The following MAPKAP1 variants were observed in gnomAD, a reference collection of about 807,000 sequenced individuals.
The protein encoded by MAPKAP1 is target of rapamycin complex 2 subunit MAPKAP1.
In MAPKAP1, 20 loss-of-function variants were observed where a neutral mutation model predicts 65.7. The ratio of observed to expected loss-of-function variants is 0.30; its 90% CI spans 0.21 to 0.44. MAPKAP1 has a LOEUF of 0.44. Ranked by LOEUF, MAPKAP1 falls within the 20% of genes least tolerant of loss-of-function variation. The pLI is 1.00. For missense variants in MAPKAP1, 423 were observed against 648.0 expected (o/e 0.65, Z 3.77); for synonymous variants, 222 against 244.3 (o/e 0.91, Z 0.85).
At chr9:125,672,212 C>T in intron 2 of MAPKAP1, 104 bp downstream of exon 2, 2 of 1,294,304 alleles carry the variant, frequency 1.5e-6, no homozygotes, top group South Asian at 1.4e-5. Flanking sequence ...CCTATTAATA[C>T]CCGGAAACAT....
chr9:125,677,034 G>A (rs562885015), intron 1 of MAPKAP1, among the ~76,000 whole-genome samples: 89 of 152,214 alleles, frequency 5.8e-4, no homozygotes, highest in Admixed American at 1.4e-3. Context: ...GTATAACAGC[G>A]TTTCACAGAA....
intron 4 of MAPKAP1, among the ~76,000 whole-genome samples, chr9:125,630,903 C>G (rs550536168): frequency 2.0e-5 from 3 of 152,026 alleles, no homozygotes; most frequent in African/African-American, 7.2e-5. Context: ...GCCTGGGCAA[C>G]AAACAAAGGG....
intron 4 of MAPKAP1, among the ~76,000 whole-genome samples, chr9:125,622,099 G>A (rs1280695063): frequency 6.6e-6 from 1 of 152,206 alleles, no homozygotes; most frequent in South Asian, 2.1e-4. Flanking sequence ...GCTCATGGAA[G>A]TGGAGAGTAG....
Position 125,585,811 on chromosome 9 carries a change from G to C in MAPKAP1, c.499-84C>G, listed in dbSNP as rs1444192396. ...GCTCTCCAGGCCTGTGGGCAGCACA[G>C]CCATTTTTCATCCTTGCTCTACAGA... is the stretch of plus-strand genomic sequence containing the variant. On this transcript the variant is annotated intron_variant, in intron 4 of 11. Coordinates refer to ENST00000265960, the MANE Select transcript of MAPKAP1 (RefSeq NM_001006617.3). 3 of 1,344,912 alleles carry C rather than the reference G, an allele frequency of 2.2e-6. No individual in the cohort carries two copies. In the African/African-American group the frequency reaches 4.3e-5, roughly 19 times the overall value. 83.3% of individuals were successfully genotyped at this position (1,344,912 alleles called of 1,614,324 possible).
intron 1 of MAPKAP1, among the ~76,000 whole-genome samples, chr9:125,693,049 C>T (rs1182792852): frequency 6.6e-6 from 1 of 152,158 alleles, no homozygotes; most frequent in Non-Finnish European, 1.5e-5. Flanking sequence ...GTTTCTCCTA[C>T]CAGAGCACGA....
At position 125,487,015 on chromosome 9, in the gene MAPKAP1, T is replaced by A. The variant is rs569916201; in HGVS notation, c.1067-2432A>T. On this transcript the variant is annotated intron_variant, in intron 8 of 11. Transcript: ENST00000265960. ...CCCCAAGAACACAGGGACTGCTTTC[T>A]CACCACTGCAACTCAGACACTGCCA... Among the ~76,000 whole-genome samples, 59 of 152,282 alleles carry A rather than the reference T, an allele frequency of 3.9e-4. No individual in the cohort carries two copies. In the South Asian group the frequency reaches 0.011, roughly 27 times the overall value.
At chr9:125,566,202 T>C (rs1831046144) in intron 5 of MAPKAP1, among the ~76,000 whole-genome samples, 1 of 152,208 alleles carries the variant, frequency 6.6e-6, no homozygotes, top group Non-Finnish European at 1.5e-5. Flanking sequence ...TTAAGCATTG[T>C]GTATGGACTG....
At position 125,438,419 on chromosome 9, in the gene MAPKAP1, A is replaced by G. The variant is rs149589040; in HGVS notation, c.*468T>C. 3.5e-5 allele frequency: 14 copies of G among 399,544 alleles called. No homozygotes were observed. In the East Asian group the frequency reaches 4.6e-4, roughly 13 times the overall value. 24.7% of individuals were successfully genotyped at this position (399,544 alleles called of 1,614,324 possible). A position where few individuals can be genotyped will look rare whatever the true frequency, so the allele number is the denominator to read the frequency against. On this transcript the variant is annotated 3_prime_UTR_variant, in exon 12 of 12. Coordinates refer to ENST00000265960, the MANE Select transcript of MAPKAP1 (RefSeq NM_001006617.3). ...CAATATGGGAACAGATTTTAAAGAGAGTAACATAATCAATCCTCCGCCCCA... is the reference window on the plus strand; with the variant it reads ...CAATATGGGAACAGATTTTAAAGAGGGTAACATAATCAATCCTCCGCCCCA...
In MAPKAP1 at chr9:125,493,089, T is replaced by C. The variant is rs528701764; in HGVS notation, c.1067-8506A>G. ...TGAAGCGGAATGGTGGAAAAGAAAATGGTGGGGGTGGGAGTAGTTCTTCAA... is the reference window on the plus strand; with the variant it reads ...TGAAGCGGAATGGTGGAAAAGAAAACGGTGGGGGTGGGAGTAGTTCTTCAA... On this transcript the variant is annotated intron_variant, in intron 8 of 11. Coordinates refer to ENST00000265960, the MANE Select transcript of MAPKAP1 (RefSeq NM_001006617.3). Among the ~76,000 whole-genome samples the C allele has an allele frequency of 8.5e-4, 127 of 149,886 alleles. 1 individual carries two copies. The highest frequency in any genetic ancestry group is 3.1e-3 in the African/African-American group (124 of 40,624).
intron 8 of MAPKAP1, among the ~76,000 whole-genome samples, chr9:125,486,356 G>A (rs367569233): frequency 6.6e-6 from 1 of 152,172 alleles, no homozygotes; most frequent in African/African-American, 2.4e-5. Context: ...GGGTTGGGAG[G>A]GGAGGAGCCT....
At chr9:125,532,709 C>T (rs1829966645) in intron 7 of MAPKAP1, among the ~76,000 whole-genome samples, 2 of 152,186 alleles carry the variant, frequency 1.3e-5, no homozygotes, top group African/African-American at 4.8e-5. Context: ...CCCTTGGTGC[C>T]ACTGCTGTTC....
chr9:125,667,380 C>A (rs10117298), intron 3 of MAPKAP1, among the ~76,000 whole-genome samples: 2 of 152,162 alleles, frequency 1.3e-5, no homozygotes, highest in East Asian at 3.9e-4. Context: ...AGTGCACTGG[C>A]GCGATTTTAG....
rs1304674034 is a variant in MAPKAP1, at chr9:125,459,873, G to GGGAGAGGGAGAGGGAGAA, written c.1345+8098_1345+8099insTTCTCCCTCTCCCTCTCC. ...GACCGTGGGGAGAGGGAGAGGGAGA[G>GGGAGAGGGAGAGGGAGAA]GGACGCATATGGAGTCTTATAAGCA... On this transcript the variant is annotated intron_variant, in intron 10 of 11. Coordinates refer to ENST00000265960, the MANE Select transcript of MAPKAP1 (RefSeq NM_001006617.3). Among the ~76,000 whole-genome samples the GGGAGAGGGAGAGGGAGAA allele has an allele frequency of 2.3e-3, 340 of 146,772 alleles. 5 individuals carry two copies. Among genetic ancestry groups the GGGAGAGGGAGAGGGAGAA allele is most frequent in the African/African-American group, 8.2e-3 (325 of 39,844 alleles).
At chr9:125,594,151 A>G (rs1484716094) in intron 4 of MAPKAP1, among the ~76,000 whole-genome samples, 1 of 152,170 alleles carries the variant, frequency 6.6e-6, no homozygotes, top group Non-Finnish European at 1.5e-5. Flanking sequence ...CAGCGAGACC[A>G]CTGCAGCAAT....
intron 10 of MAPKAP1, among the ~76,000 whole-genome samples, chr9:125,459,099 G>C (rs1368770769): frequency 6.9e-6 from 1 of 145,222 alleles, no homozygotes; most frequent in Admixed American, 6.8e-5. Flanking sequence ...CTTCTCAGAA[G>C]GGGCGGCCGG....
chr9:125,551,301 T>C (rs1830577893), intron 6 of MAPKAP1, among the ~76,000 whole-genome samples: 1 of 152,106 alleles, frequency 6.6e-6, no homozygotes, highest in Admixed American at 6.5e-5. Context: ...GGATTTATCA[T>C]CAAGAAGGTA....
chr9:125,596,354 C>T lies in MAPKAP1; in HGVS notation c.499-10627G>A, dbSNP rs1417520777. On this transcript the variant is annotated intron_variant, in intron 4 of 11. Transcript: ENST00000265960. Reference sequence around the variant, plus strand: ...TCAGTGGTTGTGGTGCCTTTGGTGGCAACCATGGTGGTGGTGGATATGGTG... The same window carrying T: ...TCAGTGGTTGTGGTGCCTTTGGTGGTAACCATGGTGGTGGTGGATATGGTG... 3.9e-6 allele frequency: 3 copies of T among 779,144 alleles called. No homozygotes were observed. The African/African-American group carries it at 5.1e-5, about 13-fold the overall frequency. 48.3% of individuals were successfully genotyped at this position (779,144 alleles called of 1,614,324 possible). A position where few individuals can be genotyped will look rare whatever the true frequency, so the allele number is the denominator to read the frequency against.
At chr9:125,684,921 C>T (rs2131831650) in intron 1 of MAPKAP1, among the ~76,000 whole-genome samples, 1 of 152,294 alleles carries the variant, frequency 6.6e-6, no homozygotes, top group East Asian at 1.9e-4. Flanking sequence ...CGATCCTCCC[C>T]ATCGGCCTCC....
intron 7 of MAPKAP1, among the ~76,000 whole-genome samples, chr9:125,507,267 G>A (rs1306777855): frequency 3.3e-5 from 5 of 152,176 alleles, no homozygotes; most frequent in Non-Finnish European, 4.4e-5. Flanking sequence ...CACATAACGG[G>A]TCCAATGATC....
Sources: gnomAD v4.1 joint callset for allele counts (sites outside exome capture counted in the v4.1 genomes callset) on GRCh38, gnomAD v4.1.1 for gene constraint, MANE v1.5 for transcripts, NCBI Gene and HGNC (gene_info 2026-07-23, HGNC 2026-07-21) for gene names.